The following PPARGC1A variants were observed in gnomAD, a reference collection of about 807,000 sequenced individuals.
PPARGC1A encodes the protein PPARG coactivator 1 alpha.
Under a neutral mutation model 88.7 loss-of-function variants are expected in PPARGC1A, and 25 were observed. The ratio of observed to expected loss-of-function variants is 0.28; its 90% CI spans 0.21 to 0.39. The LOEUF (loss-of-function observed/expected upper bound fraction) is 0.39. PPARGC1A is among the 10% of genes least tolerant of loss of function. The probability of loss-of-function intolerance (pLI) is 1.00; values close to 1 mark genes in which losing one functional copy is unlikely to be tolerated. For missense variants in PPARGC1A, 880 were observed against 968.7 expected (o/e 0.91, Z 1.22); for synonymous variants, 363 against 355.6 (o/e 1.02, Z -0.24).
At chr4:24,317,555 TAAAAAAAAAAAAAAAAAAAAAAAAAAAAA>T in the PPARGC1A span, among the ~76,000 whole-genome samples, 8 of 22,210 alleles carry the variant, frequency 3.6e-4, no homozygotes, top group Admixed American at 1.0e-3. Flanking sequence ...TTCAGAGGAC[TAAAAAAAAAAAAAAAAAAAAAAAAAAAAA>T]AAAAAAAAAA....
At chr4:24,099,272 A>T in the PPARGC1A span, among the ~76,000 whole-genome samples, 101 of 131,350 alleles carry the variant, frequency 7.7e-4, no homozygotes, top group Non-Finnish European at 6.8e-4. Context: ...TCTTCCCCTC[A>T]TTCTCTCCCT....
At chr4:23,819,518 T>C (rs1722593062) in intron 7 of PPARGC1A, among the ~76,000 whole-genome samples, 1 of 152,058 alleles carries the variant, frequency 6.6e-6, no homozygotes, top group African/African-American at 2.4e-5. Flanking sequence ...AGAGCTGGGA[T>C]AGAGGATGGG....
At chr4:24,302,512 G>T in the PPARGC1A span, among the ~76,000 whole-genome samples, 2 of 152,332 alleles carry the variant, frequency 1.3e-5, no homozygotes, top group South Asian at 4.1e-4. Flanking sequence ...GATGAAGGTG[G>T]CCCTGAGGCA....
chr4:24,167,182 G>T, the PPARGC1A span, among the ~76,000 whole-genome samples: 1 of 152,172 alleles, frequency 6.6e-6, no homozygotes, highest in Non-Finnish European at 1.5e-5. Context: ...AGATGACTTT[G>T]AGGGGTCCAA....
At chr4:24,397,274 G>A in the PPARGC1A span, among the ~76,000 whole-genome samples, 52 of 152,044 alleles carry the variant, frequency 3.4e-4, no homozygotes, top group Admixed American at 6.6e-4. Flanking sequence ...TACTGGAACC[G>A]GCCAATTTTC....
At chr4:24,077,920 G>C in the PPARGC1A span, among the ~76,000 whole-genome samples, 1 of 151,040 alleles carries the variant, frequency 6.6e-6, no homozygotes, top group African/African-American at 2.4e-5. Context: ...CTGTTTTCTA[G>C]TTCATTAATT....
At chr4:23,977,064 G>A in the PPARGC1A span, among the ~76,000 whole-genome samples, 1 of 151,928 alleles carries the variant, frequency 6.6e-6, no homozygotes, top group African/African-American at 2.4e-5. Context: ...GGAAGAAGAA[G>A]AAGAAAGAAG....
intron 2 of PPARGC1A, among the ~76,000 whole-genome samples, chr4:23,869,288 C>A (rs975387599): frequency 6.6e-6 from 1 of 152,094 alleles, no homozygotes; most frequent in Non-Finnish European, 1.5e-5. Context: ...CAGATGTCTT[C>A]GTACAAAGGA....
At chr4:24,242,650 C>A in the PPARGC1A span, among the ~76,000 whole-genome samples, 2 of 152,178 alleles carry the variant, frequency 1.3e-5, no homozygotes, top group Admixed American at 6.5e-5. Flanking sequence ...GTCATCTTCA[C>A]CCCCTAAACA....
chr4:24,180,142 C>CAT, the PPARGC1A span, among the ~76,000 whole-genome samples: 1 of 152,158 alleles, frequency 6.6e-6, no homozygotes, highest in Non-Finnish European at 1.5e-5. Flanking sequence ...GTATCATTTA[C>CAT]ATATATAACA....
At chr4:24,146,039 G>C in the PPARGC1A span, among the ~76,000 whole-genome samples, 2 of 152,176 alleles carry the variant, frequency 1.3e-5, no homozygotes, top group Non-Finnish European at 2.9e-5. Flanking sequence ...GTTTGAGAAT[G>C]CATGTTAAAA....
the PPARGC1A span, among the ~76,000 whole-genome samples, chr4:24,380,700 G>A: frequency 6.6e-5 from 10 of 152,228 alleles, no homozygotes; most frequent in African/African-American, 2.4e-4. Flanking sequence ...AAGTTCCAGA[G>A]ATAGTTAAGA....
chr4:24,009,207 ATAAT>A, the PPARGC1A span, among the ~76,000 whole-genome samples: 12 of 149,842 alleles, frequency 8.0e-5, no homozygotes, highest in African/African-American at 2.9e-4. Flanking sequence ...TCAATTTTAC[ATAAT>A]TAATTGAGAA....
the PPARGC1A span, among the ~76,000 whole-genome samples, chr4:24,424,609 C>T: frequency 6.6e-6 from 1 of 152,050 alleles, no homozygotes; most frequent in Non-Finnish European, 1.5e-5. Flanking sequence ...ATCTGGAAAT[C>T]GGAGAGTGAA....
At chr4:23,947,018 C>CCCT in the PPARGC1A span, among the ~76,000 whole-genome samples, 2 of 151,922 alleles carry the variant, frequency 1.3e-5, no homozygotes, top group Non-Finnish European at 2.9e-5. Flanking sequence ...ACTAATCAGC[C>CCCT]CCTGGCTATT....
At chr4:23,886,821 C>T (rs960188297) in intron 1 of PPARGC1A, among the ~76,000 whole-genome samples, 3 of 139,168 alleles carry the variant, frequency 2.2e-5, no homozygotes, top group Admixed American at 7.3e-5. Flanking sequence ...TTCAACGGTG[C>T]AAGATACACT....
At chr4:23,925,335 G>A in the PPARGC1A span, among the ~76,000 whole-genome samples, 1 of 152,138 alleles carries the variant, frequency 6.6e-6, no homozygotes, top group East Asian at 1.9e-4. Flanking sequence ...AATCCCCGCA[G>A]GCCATGTGTT....
intron 2 of PPARGC1A, among the ~76,000 whole-genome samples, chr4:23,850,885 CA>C (rs890161865): frequency 1.3e-5 from 2 of 152,134 alleles, no homozygotes; most frequent in African/African-American, 4.8e-5. Flanking sequence ...TTATCCAGAA[CA>C]TTTTTCAGGG....
chr4:23,824,224 C>T (rs1723509451), intron 7 of PPARGC1A, 56 bp downstream of exon 7: 2 of 1,419,958 alleles, frequency 1.4e-6, no homozygotes, highest in Non-Finnish European at 2.0e-6. Flanking sequence ...TCTTATTACA[C>T]ACACACACAT....
Sources: allele counts gnomAD v4.1 joint callset (sites outside exome capture counted in the v4.1 genomes callset), GRCh38; gene constraint gnomAD v4.1.1; transcripts MANE v1.5; gene names NCBI Gene and HGNC (gene_info 2026-07-23, HGNC 2026-07-21).